NELL2: variants seen among roughly 807,000 people sequenced by gnomAD.
The protein encoded by NELL2 is protein kinase C-binding protein NELL2.
A neutral mutation model predicts 109.6 loss-of-function variants in NELL2; 41 were observed. The observed-to-expected ratio is 0.37, with a 90% CI of 0.29 to 0.49. The LOEUF is 0.49. Ranked by LOEUF, NELL2 falls within the 20% of genes least tolerant of loss-of-function variation. NELL2 has a pLI of 0.98. For missense variants in NELL2, 900 were observed against 1,008.3 expected (o/e 0.89, Z 1.45); for synonymous variants, 355 against 344.7 (o/e 1.03, Z -0.33).
upstream of NELL2, among the ~76,000 whole-genome samples, chr12:44,917,584 C>A (rs890014739): frequency 1.3e-5 from 2 of 152,096 alleles, no homozygotes; most frequent in African/African-American, 4.8e-5. Context: ...TCCCATTGAA[C>A]GTATGTGAGG....
chr12:44,633,583 A>G (rs1414790157), intron 13 of NELL2, among the ~76,000 whole-genome samples: 2 of 152,146 alleles, frequency 1.3e-5, no homozygotes, highest in Non-Finnish European at 2.9e-5. Flanking sequence ...TCATGCCTTT[A>G]CAAATCACAC....
At chr12:44,745,089 GA>G (rs1351847045) in intron 9 of NELL2, among the ~76,000 whole-genome samples, 1 of 152,076 alleles carries the variant, frequency 6.6e-6, no homozygotes, top group Non-Finnish European at 1.5e-5. Flanking sequence ...GCAGCACATC[GA>G]AAAGCTTATC....
intron 13 of NELL2, among the ~76,000 whole-genome samples, chr12:44,638,884 G>A (rs1292294553): frequency 6.6e-6 from 1 of 152,140 alleles, no homozygotes; most frequent in Non-Finnish European, 1.5e-5. Context: ...GAAATATAAT[G>A]TGAGTCATAT....
upstream of NELL2, among the ~76,000 whole-genome samples, chr12:44,878,076 T>C (rs962506885): frequency 1.3e-5 from 2 of 152,164 alleles, no homozygotes; most frequent in African/African-American, 4.8e-5. Context: ...AATATACATA[T>C]GCACATATAT....
At position 44,779,728 on chromosome 12, in the gene NELL2, T is replaced by C; in HGVS notation, c.541A>G (p.Thr181Ala). The C allele has an allele frequency of 6.2e-7, 1 of 1,614,002 alleles. No homozygotes were observed. The change falls in exon 5 of 20, where the codon ACA (threonine) becomes GCA (alanine). Residue 181 changes from threonine to alanine, a missense_variant. Thr to Ala is a moderately conservative substitution (Grantham distance 58). Coordinates refer to ENST00000429094, the MANE Select transcript of NELL2 (RefSeq NM_001145108.2). The part of the protein sequence containing the change: ...IYERVVEKPS[T>A]DLPLGTTFWL... ...AATGTTGTGCCTAGAGGCAAGTCTG[T>C]GGAGGGCTTTTCTACTACCCTTTCA...
chr12:44,807,607 C>T (rs930240038), intron 3 of NELL2, among the ~76,000 whole-genome samples: 1 of 151,938 alleles, frequency 6.6e-6, no homozygotes, highest in African/African-American at 2.4e-5. Flanking sequence ...AAATTATAAT[C>T]TCAAAAGTTT....
intron 2 of NELL2, among the ~76,000 whole-genome samples, chr12:44,839,184 T>G (rs959931684): frequency 6.6e-6 from 1 of 152,210 alleles, no homozygotes; most frequent in Non-Finnish European, 1.5e-5. Context: ...TATGTGCCAT[T>G]GTACTAATTA....
chr12:44,587,310 T>A (rs1330389527), intron 15 of NELL2, among the ~76,000 whole-genome samples: 163 of 68,702 alleles, frequency 2.4e-3, no homozygotes, highest in African/African-American at 7.4e-3. Flanking sequence ...TATATATATT[T>A]TTTTTTAAAT....
At chr12:44,642,828 T>C (rs1592256651) in intron 13 of NELL2, among the ~76,000 whole-genome samples, 1 of 152,012 alleles carries the variant, frequency 6.6e-6, no homozygotes, top group Non-Finnish European at 1.5e-5. Context: ...GTTGCAGTGA[T>C]CCGAGATCAC....
intron 9 of NELL2, among the ~76,000 whole-genome samples, chr12:44,747,948 C>T (rs1940468200): frequency 6.6e-6 from 1 of 152,128 alleles, no homozygotes; most frequent in South Asian, 2.1e-4. Context: ...TAACCAAACT[C>T]GTAATGGAAA....
intron 14 of NELL2, among the ~76,000 whole-genome samples, chr12:44,610,141 C>T (rs190208916): frequency 4.7e-4 from 71 of 150,830 alleles, no homozygotes; most frequent in African/African-American, 1.7e-3. Flanking sequence ...GATCAATCGG[C>T]ATTAACAAAG....
At chr12:44,679,979 C>A (rs1948444309) in intron 12 of NELL2, among the ~76,000 whole-genome samples, 1 of 152,092 alleles carries the variant, frequency 6.6e-6, no homozygotes, top group African/African-American at 2.4e-5. Flanking sequence ...AAAGAACAGA[C>A]AGTCTCATTT....
chr12:44,831,298 C>T (rs533924028), intron 2 of NELL2, among the ~76,000 whole-genome samples: 5 of 152,244 alleles, frequency 3.3e-5, no homozygotes, highest in Admixed American at 2.0e-4. Context: ...TCCCATTTCA[C>T]GAACAGATTA....
intron 19 of NELL2, among the ~76,000 whole-genome samples, chr12:44,517,980 T>G (rs559807832): frequency 6.6e-6 from 1 of 152,322 alleles, no homozygotes; most frequent in African/African-American, 2.4e-5. Context: ...GCATAAACTT[T>G]ATTTTCAAAA....
chr12:44,770,467 A>C (rs967753109), intron 9 of NELL2, among the ~76,000 whole-genome samples: 2 of 152,190 alleles, frequency 1.3e-5, no homozygotes, highest in African/African-American at 4.8e-5. Flanking sequence ...CTTGTAACTC[A>C]CAGAATTAAC....
At chr12:44,626,449 T>C (rs1592229558) in intron 13 of NELL2, among the ~76,000 whole-genome samples, 1 of 152,328 alleles carries the variant, frequency 6.6e-6, no homozygotes, top group Non-Finnish European at 1.5e-5. Flanking sequence ...AGACACGCTC[T>C]GTCTCAGATC....
chr12:44,900,768 A>G (rs970078938), intron 1 of NELL2, among the ~76,000 whole-genome samples: 2 of 152,124 alleles, frequency 1.3e-5, no homozygotes, highest in East Asian at 3.9e-4. Flanking sequence ...AGGGAGGTGG[A>G]TCACAAGGTC....
intron 13 of NELL2, among the ~76,000 whole-genome samples, chr12:44,630,693 A>C (rs1328800401): frequency 6.6e-6 from 1 of 152,194 alleles, no homozygotes; most frequent in Non-Finnish European, 1.5e-5. Flanking sequence ...ATGAGGATTC[A>C]CTAAAACACA....
chr12:44,582,314 A>G (rs112775083), intron 15 of NELL2, among the ~76,000 whole-genome samples: 26 of 152,150 alleles, frequency 1.7e-4, no homozygotes, highest in African/African-American at 5.8e-4. Flanking sequence ...TCCAGCCACA[A>G]TCAGCTGCTC....
Sources: allele counts gnomAD v4.1 joint callset (sites outside exome capture counted in the v4.1 genomes callset), GRCh38; gene constraint gnomAD v4.1.1; transcripts MANE v1.5; gene names NCBI Gene and HGNC (gene_info 2026-07-23, HGNC 2026-07-21).